DIAPH2: variants seen among roughly 807,000 people sequenced by gnomAD.
The protein encoded by DIAPH2 is diaphanous related formin 2, also known as protein diaphanous homolog 2.
DIAPH2 carries 35 observed loss-of-function variants against 92.7 expected under a neutral mutation model. That is an observed-to-expected ratio of 0.38 (90% CI 0.29 to 0.50). DIAPH2 has a LOEUF of 0.50. DIAPH2 is among the 20% of genes least tolerant of loss of function. The probability of loss-of-function intolerance (pLI) is 0.94; values close to 1 mark genes in which losing one functional copy is unlikely to be tolerated. For synonymous variants in DIAPH2, 301 were observed against 280.4 expected, an observed-to-expected ratio of 1.07 and a Z score of -0.73; for missense variants, 701 against 819.5, an observed-to-expected ratio of 0.86 and a Z score of 1.77.
intron 24 of DIAPH2, among the ~76,000 whole-genome samples, chrX:97,360,283 A>T (rs145887817): frequency 1.7e-3 from 187 of 111,408 alleles, no homozygotes; most frequent in African/African-American, 5.8e-3. Flanking sequence ...AAAAAACTAA[A>T]GTCTCATATA....
chrX:97,525,814 A>G (rs1420419272), intron 26 of DIAPH2, among the ~76,000 whole-genome samples: 1 of 112,153 alleles, frequency 8.9e-6, no homozygotes, highest in Non-Finnish European at 1.9e-5. Context: ...GTACAGTTTT[A>G]TCTGACTTTG....
intron 17 of DIAPH2, among the ~76,000 whole-genome samples, chrX:97,006,042 C>T (rs1388953508): frequency 2.0e-5 from 2 of 100,599 alleles, no homozygotes; most frequent in Non-Finnish European, 4.0e-5. Context: ...TTTAAATTTT[C>T]TTCTTAATCT....
chrX:96,896,361 G>A (rs750669225), intron 5 of DIAPH2, among the ~76,000 whole-genome samples: 66 of 111,706 alleles, frequency 5.9e-4, no homozygotes, highest in Non-Finnish European at 1.0e-3. Context: ...TTTTTATGTT[G>A]TTGATAATAT....
chrX:97,264,768 G>A (rs184046495), intron 23 of DIAPH2, among the ~76,000 whole-genome samples: 7 of 111,601 alleles, frequency 6.3e-5, no homozygotes, highest in African/African-American at 2.3e-4. Flanking sequence ...GGTGGATCAC[G>A]AGGTCAAGAG....
At chrX:96,758,961 G>A (rs1479952655) in intron 4 of DIAPH2, among the ~76,000 whole-genome samples, 4 of 106,982 alleles carry the variant, frequency 3.7e-5, no homozygotes, top group African/African-American at 1.4e-4. Flanking sequence ...TTTTTTTTTG[G>A]TAAGAAAAAA....
intron 23 of DIAPH2, 30 bp from the exon 24 acceptor site, chrX:97,348,086 G>T: frequency 1.7e-6 from 2 of 1,201,588 alleles, no homozygotes; most frequent in Non-Finnish European, 2.3e-6. Flanking sequence ...AAAAGGTACT[G>T]TTGAGCCATG....
chrX:97,321,544 A>ATTTTTTTTTT (rs72265655), intron 23 of DIAPH2, among the ~76,000 whole-genome samples: 3 of 48,405 alleles, frequency 6.2e-5, no homozygotes, highest in African/African-American at 1.5e-4. Context: ...TTGTGTTGTT[A>ATTTTTTTTTT]TTTTTTTTTT....
intron 23 of DIAPH2, among the ~76,000 whole-genome samples, chrX:97,308,645 G>T (rs1244884137): frequency 2.3e-5 from 2 of 88,788 alleles, no homozygotes; most frequent in Non-Finnish European, 4.3e-5. Context: ...TTTTGAGACG[G>T]AGTCTCGCAC....
intron 4 of DIAPH2, among the ~76,000 whole-genome samples, chrX:96,842,470 A>C (rs1490973522): frequency 8.9e-6 from 1 of 112,022 alleles, no homozygotes; most frequent in African/African-American, 3.2e-5. Flanking sequence ...ATGTGCAGTA[A>C]ATATCTGTGG....
chrX:96,751,652 G>GTTTTTTTTTTTTTTTTTTTTTTTTTTTTT (rs1219167141), intron 3 of DIAPH2, among the ~76,000 whole-genome samples: 1 of 60,312 alleles, frequency 1.7e-5, no homozygotes, highest in African/African-American at 6.4e-5. Context: ...TCAGTGTTTT[G>GTTTTTTTTTTTTTTTTTTTTTTTTTTTTT]TTTTTTTTTT....
At chrX:97,067,097 T>C (rs2066638858) in intron 17 of DIAPH2, among the ~76,000 whole-genome samples, 1 of 111,686 alleles carries the variant, frequency 9.0e-6, no homozygotes. Flanking sequence ...ATGTAGCATG[T>C]GCAAGGAGAC....
intron 1 of DIAPH2, among the ~76,000 whole-genome samples, chrX:96,728,832 C>T (rs1416169553): frequency 1.8e-5 from 2 of 112,468 alleles, no homozygotes; most frequent in African/African-American, 3.2e-5. Context: ...TTCATGTCTA[C>T]ACAACTTTTT....
At chrX:97,076,092 G>T (rs939164325) in intron 19 of DIAPH2, among the ~76,000 whole-genome samples, 1 of 112,313 alleles carries the variant, frequency 8.9e-6, no homozygotes, top group Non-Finnish European at 1.9e-5. Context: ...TGAATTCTTG[G>T]TATGTCTGGC....
intron 26 of DIAPH2, among the ~76,000 whole-genome samples, chrX:97,556,149 C>G (rs1287712465): frequency 9.0e-6 from 1 of 111,233 alleles, no homozygotes; most frequent in African/African-American, 3.3e-5. Flanking sequence ...TATGACTGTC[C>G]CCTTCCCTGC....
intron 23 of DIAPH2, among the ~76,000 whole-genome samples, chrX:97,342,127 A>G (rs2069118168): frequency 8.9e-6 from 1 of 112,426 alleles, no homozygotes. Flanking sequence ...AAATGTATTT[A>G]AGATGTTCAG....
At chrX:97,202,074 C>T (rs754536612) in intron 22 of DIAPH2, among the ~76,000 whole-genome samples, 5 of 111,485 alleles carry the variant, frequency 4.5e-5, no homozygotes, top group Admixed American at 9.6e-5. Flanking sequence ...GCTTCATAAG[C>T]GAAGTGGAAA....
At chrX:97,551,923 C>T (rs11798599) in intron 26 of DIAPH2, among the ~76,000 whole-genome samples, 52,515 of 110,611 alleles carry the variant, frequency 0.47, 8,969 homozygotes, top group Non-Finnish European at 0.53. Context: ...AACTGTTCCA[C>T]AGTTGTGCAT....
intron 19 of DIAPH2, among the ~76,000 whole-genome samples, chrX:97,089,656 A>G (rs751264722): frequency 1.2e-4 from 13 of 111,878 alleles, no homozygotes; most frequent in Non-Finnish European, 2.3e-4. Flanking sequence ...GAGTGGTGGT[A>G]GAGTTTGCCT....
At chrX:97,228,422 A>G (rs2067982754) in intron 22 of DIAPH2, among the ~76,000 whole-genome samples, 1 of 111,569 alleles carries the variant, frequency 9.0e-6, no homozygotes. Flanking sequence ...GAGAGAATTC[A>G]TATAGAAAAT....
Sources: allele counts gnomAD v4.1 joint callset (sites outside exome capture counted in the v4.1 genomes callset), GRCh38; gene constraint gnomAD v4.1.1; transcripts MANE v1.5; gene names NCBI Gene and HGNC (gene_info 2026-07-23, HGNC 2026-07-21).